The following SP110 variants were observed in gnomAD, a reference collection of about 807,000 sequenced individuals.
SP110 encodes the protein SP110 nuclear body protein.
A neutral mutation model predicts 92.7 loss-of-function variants in SP110; 62 were observed. That is an observed-to-expected ratio of 0.67 (90% confidence interval 0.55 to 0.83). The LOEUF is 0.83. SP110 is among the 40% of genes least tolerant of loss of function. SP110 has a pLI of 0.00. For synonymous variants in SP110, 273 were observed against 305.3 expected (o/e 0.89, Z 1.10); for missense variants, 793 against 863.9 (o/e 0.92, Z 1.03).
In SP110 at chr2:230,178,240, T is replaced by C; in HGVS notation, c.1364A>G (p.Asp455Gly). The change falls in exon 13 of 19, where the codon GAC (aspartate) becomes GGC (glycine). Residue 455 changes from aspartate (D) to glycine (G), a missense_variant. Transcript: ENST00000258381. ...CTTAGAACAGTGAAAATCCACAGTG[T>C]CACTTTTGGGTTTTCCTTAAAGTAG... is the stretch of plus-strand genomic sequence containing the variant. ...NIHRRGKPKS[D>G]TVDFHCSKLP... 6.2e-7 allele frequency: 1 copy of C among 1,611,326 alleles called. No individual in the cohort carries two copies. Among genetic ancestry groups the C allele is most frequent in the South Asian group, 1.1e-5 (1 of 90,908 alleles).
At chr2:230,223,137 A>T (rs892741268), upstream of SP110, among the ~76,000 whole-genome samples, 1 of 151,744 alleles carries the variant, frequency 6.6e-6, no homozygotes, top group East Asian at 1.9e-4. Context: ...CCCAGGTTCA[A>T]GTGATTCTCT....
intron 7 of SP110, among the ~76,000 whole-genome samples, chr2:230,209,209 C>T (rs111662791): frequency 2.0e-4 from 31 of 152,114 alleles, no homozygotes; most frequent in Admixed American, 6.5e-4. Context: ...GTTTGAATGA[C>T]GATAGGGTCT....
At chr2:230,224,584 T>C (rs1443636837), upstream of SP110, among the ~76,000 whole-genome samples, 1 of 151,966 alleles carries the variant, frequency 6.6e-6, no homozygotes, top group Non-Finnish European at 1.5e-5. Context: ...TTCTAGAGTT[T>C]GTCTCAACCA....
chr2:230,221,898 C>T, upstream of SP110: 1 of 647,496 alleles, frequency 1.5e-6, no homozygotes, highest in Non-Finnish European at 2.7e-6. Context: ...AAAAAGACAG[C>T]TGCGAATGAG....
chr2:230,183,428 A>T lies in SP110; in HGVS notation c.1348+144T>A, dbSNP rs2042213561. 3.2e-5 allele frequency: 24 copies of T among 745,964 alleles called. No homozygotes were observed. In the South Asian group the frequency reaches 3.4e-4, roughly 11 times the overall value. The allele number at this position is 745,964 out of a possible 1,614,324, so 46.2% of individuals were successfully genotyped here. ...GTTAGGCTGGCAGCACTCCTGATGC[A>T]CCCAATTCAGCTGGTACCCATGACG... On this transcript the variant is annotated intron_variant, in intron 12 of 18. Coordinates refer to ENST00000258381, the MANE Select transcript of SP110 (RefSeq NM_080424.4).
chr2:230,219,077 T>C (rs2045552904), intron 1 of SP110, among the ~76,000 whole-genome samples: 1 of 152,026 alleles, frequency 6.6e-6, no homozygotes, highest in African/African-American at 2.4e-5. Context: ...ATACAAAAAT[T>C]AGCTGGGCGT....
At chr2:230,198,206 T>G (rs1485603910) in intron 10 of SP110, among the ~76,000 whole-genome samples, 4 of 152,130 alleles carry the variant, frequency 2.6e-5, no homozygotes, top group Non-Finnish European at 5.9e-5. Flanking sequence ...GCCTCCCTCT[T>G]CCACACACTT....
chr2:230,197,634 A>G (rs969886106), intron 10 of SP110, among the ~76,000 whole-genome samples: 1 of 151,870 alleles, frequency 6.6e-6, no homozygotes, highest in Non-Finnish European at 1.5e-5. Flanking sequence ...TATATCCTGA[A>G]TGGTATTGCT....
intron 5 of SP110, 77 bp downstream of exon 5, chr2:230,212,270 G>T: frequency 9.4e-7 from 1 of 1,066,882 alleles, no homozygotes; most frequent in Non-Finnish European, 1.5e-6. Flanking sequence ...TCCCACCATA[G>T]CCTCTTGGTT....
chr2:230,198,712 A>C (rs772992956), intron 10 of SP110, among the ~76,000 whole-genome samples: 1 of 152,012 alleles, frequency 6.6e-6, no homozygotes, highest in African/African-American at 2.4e-5. Context: ...CTCCTGTCTC[A>C]GCCTCCTGAG....
At chr2:230,224,712 C>T (rs950004196), upstream of SP110, among the ~76,000 whole-genome samples, 2 of 152,120 alleles carry the variant, frequency 1.3e-5, no homozygotes, top group Non-Finnish European at 2.9e-5. Flanking sequence ...GTGTAATGAA[C>T]CAGAAAAAGT....
rs2078313753 is a variant in SP110, at chr2:230,166,573, G to A, written c.*2551C>T. Among the ~76,000 whole-genome samples the A allele has an allele frequency of 8.8e-6, 1 of 113,510 alleles. No individual in the cohort carries two copies. Among genetic ancestry groups the A allele is most frequent in the African/African-American group, 2.8e-5 (1 of 35,300 alleles). The allele number at this position is 113,510 out of a possible 152,430, so 74.5% of individuals were successfully genotyped here. ...TGGTACATTAAATACCCTCTGCAAT[G>A]GTATATTAAATCTATAACAAACAAA... On this transcript the variant is annotated 3_prime_UTR_variant, in exon 19 of 19. Transcript: ENST00000258381.
chr2:230,221,798 C>T (rs1364129449), upstream of SP110: 2 of 1,364,128 alleles, frequency 1.5e-6, no homozygotes, highest in African/African-American at 1.4e-5. Context: ...TTCAGAGATA[C>T]ACCAGGCAAA....
intron 11 of SP110, among the ~76,000 whole-genome samples, chr2:230,185,523 G>A (rs2042318224): frequency 6.6e-6 from 1 of 151,990 alleles, no homozygotes; most frequent in Middle Eastern, 3.2e-3. Context: ...GATGTAATGG[G>A]AGTATAAACA....
chr2:230,175,154 T>C lies in SP110; in HGVS notation c.1591-2195A>G, dbSNP rs142544395. On this transcript the variant is annotated intron_variant, in intron 14 of 18. Coordinates refer to ENST00000258381, the MANE Select transcript of SP110 (RefSeq NM_080424.4). The stretch of plus-strand genomic sequence containing the variant: ...CCCTGTGATCTCATCTCAAAATAAG[T>C]GCAGTTGATTCTTTTGGCTATTTTT... 4.1e-3 allele frequency among the ~76,000 whole-genome samples: 630 copies of C among 152,214 alleles called. 3 individuals are homozygous for C. Among genetic ancestry groups the C allele is most frequent in the African/African-American group, 0.015 (603 of 41,522 alleles).
intron 10 of SP110, among the ~76,000 whole-genome samples, chr2:230,199,667 C>T (rs2043044919): frequency 6.6e-6 from 1 of 152,050 alleles, no homozygotes; most frequent in African/African-American, 2.4e-5. Flanking sequence ...AGTAAGGTAA[C>T]ATCAATCCAC....
chr2:230,213,183 T>C (rs528334999), intron 3 of SP110, among the ~76,000 whole-genome samples, 156 bp from the exon 4 acceptor site: 17 of 152,306 alleles, frequency 1.1e-4, no homozygotes, highest in Admixed American at 2.0e-4. Flanking sequence ...TCATTATCCA[T>C]TTGTGGCCCC....
chr2:230,182,550 G>T (rs1289739329), intron 12 of SP110, among the ~76,000 whole-genome samples: 1 of 152,100 alleles, frequency 6.6e-6, no homozygotes, highest in African/African-American at 2.4e-5. Flanking sequence ...GGGTGGGTGA[G>T]CTGGGAGGCC....
In SP110 at chr2:230,168,788, G is replaced by A; in HGVS notation, c.*336C>T. On this transcript the variant is annotated 3_prime_UTR_variant, in exon 19 of 19. Coordinates refer to ENST00000258381, the MANE Select transcript of SP110 (RefSeq NM_080424.4). ...TAGCTTAAAAGAGACATAGGGACAG[G>A]AGAGCCAAATGCAGTGTGTGGAACT... 4.2e-6 allele frequency: 1 copy of A among 239,472 alleles called. No individual in the cohort carries two copies. Among genetic ancestry groups the A allele is most frequent in the Non-Finnish European group, 8.4e-6 (1 of 119,314 alleles). The allele number at this position is 239,472 out of a possible 1,614,324, so 14.8% of individuals were successfully genotyped here. A position where few individuals can be genotyped will look rare whatever the true frequency, so the allele number is the denominator to read the frequency against.
Sources: gnomAD v4.1 joint callset for allele counts (sites outside exome capture counted in the v4.1 genomes callset) on GRCh38, gnomAD v4.1.1 for gene constraint, MANE v1.5 for transcripts, NCBI Gene and HGNC (gene_info 2026-07-23, HGNC 2026-07-21) for gene names.